SFMBT2: variants seen among roughly 807,000 people sequenced by gnomAD.
SFMBT2 encodes scm-like with four MBT domains protein 2.
A neutral mutation model predicts 110.1 loss-of-function variants in SFMBT2; 38 were observed. The ratio of observed to expected loss-of-function variants is 0.35; its 90% CI spans 0.27 to 0.45. The LOEUF (loss-of-function observed/expected upper bound fraction) is 0.45. SFMBT2 is among the 20% of genes least tolerant of loss of function. SFMBT2 has a pLI of 1.00. For synonymous variants in SFMBT2, 425 were observed against 425.4 expected (o/e 1.00, Z 0.01); for missense variants, 1,011 against 1,094.9 (o/e 0.92, Z 1.08).
At chr10:7,347,232 G>A (rs1390929068) in intron 4 of SFMBT2, among the ~76,000 whole-genome samples, 1 of 152,166 alleles carries the variant, frequency 6.6e-6, no homozygotes, top group African/African-American at 2.4e-5. Context: ...GCTAGTGGGA[G>A]GTGAGCTGCT....
In SFMBT2 at chr10:7,205,456, T is replaced by C. The variant is rs911390006; in HGVS notation, c.1444+359A>G. 4 of 985,208 alleles carry C rather than the reference T, an allele frequency of 4.1e-6. No homozygotes were observed. The African/African-American group carries it at 5.2e-5, about 13-fold the overall frequency. The allele number at this position is 985,208 out of a possible 1,614,324, so 61.0% of individuals were successfully genotyped here. On this transcript the variant is annotated intron_variant, in intron 12 of 20. Coordinates refer to ENST00000397167, the MANE Select transcript of SFMBT2 (RefSeq NM_001387889.1). ...CAATTAAGATTCTGTTAGGAGAAGC[T>C]ACATGAGAAAAATCAGTTCTTTTAA... is the stretch of plus-strand genomic sequence containing the variant.
rs72775586 is a variant in SFMBT2 at position 7,408,892 on chromosome 10, C to G, written c.-52+1969G>C. ...CCGGCGACTGCCCGGCCTCCATGCCCGCCAAGACAAGAAGATGCCCCTCTC... is the reference window on the plus strand; with the variant it reads ...CCGGCGACTGCCCGGCCTCCATGCCGGCCAAGACAAGAAGATGCCCCTCTC... On this transcript the variant is annotated intron_variant, in intron 1 of 20. Transcript: ENST00000397167. The surrounding 1 kb of genome is among the most constrained non-coding windows in gnomAD (Gnocchi z 5.7). The G allele has an allele frequency of 0.019, 2,835 of 152,606 alleles. 42 individuals are homozygous for G. Among genetic ancestry groups the G allele is most frequent in the Non-Finnish European group, 0.027 (1,829 of 68,240 alleles). 9.5% of individuals were successfully genotyped at this position (152,606 alleles called of 1,614,324 possible).
At chr10:7,202,579 T>C (rs1242986380) in intron 12 of SFMBT2, 57 bp from the exon 13 acceptor site, 8 of 1,613,468 alleles carry the variant, frequency 5.0e-6, no homozygotes, top group South Asian at 1.1e-5. Flanking sequence ...GGCAAGTCCA[T>C]TTTTAAAAAT....
At chr10:7,247,128 T>C (rs1318898294) in intron 8 of SFMBT2, among the ~76,000 whole-genome samples, 2 of 152,200 alleles carry the variant, frequency 1.3e-5, no homozygotes, top group African/African-American at 4.8e-5. Context: ...TGTTGTTTGT[T>C]TGTTTTGAGA....
intron 1 of SFMBT2, among the ~76,000 whole-genome samples, chr10:7,404,239 T>C (rs1315791694): frequency 6.6e-6 from 1 of 152,234 alleles, no homozygotes; most frequent in African/African-American, 2.4e-5. Flanking sequence ...TCCTTGCAGG[T>C]GCTCATTTAA....
At chr10:7,279,048 C>T (rs1841865347) in intron 6 of SFMBT2, among the ~76,000 whole-genome samples, 1 of 150,578 alleles carries the variant, frequency 6.6e-6, no homozygotes, top group Non-Finnish European at 1.5e-5. Flanking sequence ...TTGCAGTGAG[C>T]TGAGATTGTG....
At chr10:7,287,068 T>C (rs530600440) in intron 4 of SFMBT2, among the ~76,000 whole-genome samples, 1 of 148,614 alleles carries the variant, frequency 6.7e-6, no homozygotes, top group East Asian at 2.0e-4. Context: ...AGGAATGTAT[T>C]TGAGGCATCT....
intron 4 of SFMBT2, among the ~76,000 whole-genome samples, chr10:7,346,843 G>A (rs766628379): frequency 2.0e-5 from 3 of 150,702 alleles, no homozygotes; most frequent in African/African-American, 4.9e-5. Context: ...AAAATTGGCC[G>A]GGCATGGTGG....
rs11591934 is a variant in SFMBT2, at chr10:7,407,810, A to G, written c.-52+3051T>C. Reference sequence around the variant, plus strand: ...ACCACAAACGCCATCAACCACGAGCACCGGTGTCCGTGGCTATTGCCCCGA... The same window carrying G: ...ACCACAAACGCCATCAACCACGAGCGCCGGTGTCCGTGGCTATTGCCCCGA... On this transcript the variant is annotated intron_variant, in intron 1 of 20. Transcript: ENST00000397167. Among the ~76,000 whole-genome samples, 4 of 152,174 alleles carry G rather than the reference A, an allele frequency of 2.6e-5. 1 individual carries two copies. Among genetic ancestry groups the G allele is most frequent in the African/African-American group, 9.7e-5 (4 of 41,422 alleles).
At chr10:7,348,252 G>A (rs1749361) in intron 4 of SFMBT2, 141,444 of 1,483,062 alleles carry the variant, frequency 0.095, 7,857 homozygotes, top group Non-Finnish European at 0.11. Flanking sequence ...GTTTCATTTC[G>A]TGACGGTCTC....
At chr10:7,206,021 G>GA in intron 11 of SFMBT2, 93 bp from the exon 12 acceptor site, 5 of 1,515,516 alleles carry the variant, frequency 3.3e-6, no homozygotes, top group South Asian at 1.3e-5. Flanking sequence ...CTAACATGGG[G>GA]AAAAACATTC....
intron 6 of SFMBT2, among the ~76,000 whole-genome samples, chr10:7,280,781 T>A (rs983377116): frequency 6.6e-6 from 1 of 152,170 alleles, no homozygotes; most frequent in African/African-American, 2.4e-5. Context: ...TTCCTCTGAT[T>A]CAGGGCAAAA....
At chr10:7,218,615 C>T (rs1179459174) in intron 11 of SFMBT2, among the ~76,000 whole-genome samples, 1 of 152,126 alleles carries the variant, frequency 6.6e-6, no homozygotes, top group Non-Finnish European at 1.5e-5. Flanking sequence ...CATCACTACC[C>T]AATGAAAACA....
intron 1 of SFMBT2, among the ~76,000 whole-genome samples, chr10:7,409,998 A>T (rs1045132272): frequency 6.6e-6 from 1 of 151,588 alleles, no homozygotes; most frequent in Admixed American, 6.6e-5. Context: ...CAATAAATAC[A>T]TCTCGCAGTT....
chr10:7,314,947 AAGAG>A (rs1387879325), intron 4 of SFMBT2, among the ~76,000 whole-genome samples: 3 of 150,702 alleles, frequency 2.0e-5, no homozygotes, highest in East Asian at 3.9e-4. Context: ...GAGAAAGAGA[AAGAG>A]AGAAAGAAAA....
At position 7,188,668 on chromosome 10, in the gene SFMBT2, T is replaced by C. The variant is rs76616532; in HGVS notation, c.1764A>G (p.Val588=). The change falls in exon 16 of 21, where the codon GTA becomes GTG. Residue 588 remains valine (V), a synonymous_variant. Transcript: ENST00000397167. The stretch of plus-strand genomic sequence containing the variant: ...CCTGGAAATTCCAGTGGGGATCTTC[T>C]ACCAGCTGTAATTCTCTTAATACCC... ...PGRVLRELQL[V]EDPHWNFQEE... is the part of the protein sequence containing the mutation. 1.8e-4 allele frequency: 287 copies of C among 1,613,938 alleles called. No homozygotes were observed. The African/African-American group carries it at 3.6e-3, about 20-fold the overall frequency.
chr10:7,191,041 G>A lies in SFMBT2; in HGVS notation c.1699-2308C>T, dbSNP rs141920690. On this transcript the variant is annotated intron_variant, in intron 15 of 20. Coordinates refer to ENST00000397167, the MANE Select transcript of SFMBT2 (RefSeq NM_001387889.1). ...TGCCATGTAAGACGTGCCTTTTGCC[G>A]TCTGCCATGATTGTGAGGCCTCCCC... 4.0e-3 allele frequency among the ~76,000 whole-genome samples: 596 copies of A among 150,570 alleles called. 4 individuals carry two copies. The highest frequency in any genetic ancestry group is 0.013 in the African/African-American group (539 of 41,104).
intron 4 of SFMBT2, among the ~76,000 whole-genome samples, chr10:7,300,096 CG>C (rs1842515388): frequency 6.6e-6 from 1 of 152,028 alleles, no homozygotes; most frequent in Admixed American, 6.6e-5. Context: ...TGTTCTCACT[CG>C]TAAGTGGGAG....
intron 10 of SFMBT2, among the ~76,000 whole-genome samples, chr10:7,224,480 T>G (rs1171334822): frequency 6.6e-6 from 1 of 152,190 alleles, no homozygotes; most frequent in Non-Finnish European, 1.5e-5. Context: ...AGAGAGACCA[T>G]GAATTTTATA....
Sources: gnomAD v4.1 joint callset for allele counts (sites outside exome capture counted in the v4.1 genomes callset) on GRCh38, gnomAD v4.1.1 for gene constraint, Gnocchi (gnomAD v3.1) non-coding constraint, MANE v1.5 for transcripts, NCBI Gene and HGNC (gene_info 2026-07-23, HGNC 2026-07-21) for gene names.